The following PAX7 variants were observed in gnomAD, a reference collection of about 807,000 sequenced individuals.
PAX7 encodes paired box 7, also known as paired box protein Pax-7.
A neutral mutation model predicts 50.7 loss-of-function variants in PAX7; 18 were observed. That is an observed-to-expected ratio of 0.36 (90% CI 0.25 to 0.53). PAX7 has a LOEUF of 0.53. PAX7 is among the 20% of genes least tolerant of loss of function. PAX7 has a pLI of 0.93. For missense variants in PAX7, 644 were observed against 702.9 expected, an observed-to-expected ratio of 0.92 and a Z score of 0.95; for synonymous variants, 310 against 290.4, an observed-to-expected ratio of 1.07 and a Z score of -0.69.
intron 7 of PAX7, among the ~76,000 whole-genome samples, chr1:18,717,229 G>C (rs2089437502): frequency 6.6e-6 from 1 of 152,178 alleles, no homozygotes; most frequent in Non-Finnish European, 1.5e-5. Flanking sequence ...GCAGCCGCGC[G>C]CCTGGCCGCC....
chr1:18,745,199 G>GGT lies in PAX7; in HGVS notation c.*272_*273dup. 2.0e-6 allele frequency: 1 copy of GGT among 495,314 alleles called. No homozygotes were observed. Among genetic ancestry groups the GGT allele is most frequent in the Non-Finnish European group, 3.6e-6 (1 of 275,618 alleles). 30.7% of individuals were successfully genotyped at this position (495,314 alleles called of 1,614,324 possible). ...GAGGTCCTCCCCTGTCAAATCCCATGGTGGCCTCTGTGCCATCTCAGGCAT... is the reference window on the plus strand; with the variant it reads ...GAGGTCCTCCCCTGTCAAATCCCATGGTGTGGCCTCTGTGCCATCTCAGGCAT... On this transcript the variant is annotated 3_prime_UTR_variant, in exon 9 of 9. Transcript: ENST00000420770.
At chr1:18,703,452 C>G (rs1452208053) in intron 7 of PAX7, among the ~76,000 whole-genome samples, 156 bp downstream of exon 7, 1 of 152,220 alleles carries the variant, frequency 6.6e-6, no homozygotes, top group Non-Finnish European at 1.5e-5. Flanking sequence ...TGGACTCTGT[C>G]CTGTGCTCTT....
At chr1:18,705,472 C>T (rs58305507) in intron 7 of PAX7, among the ~76,000 whole-genome samples, 6,053 of 152,212 alleles carry the variant, frequency 0.04, 143 homozygotes, top group South Asian at 0.06. Context: ...AGATGGAGGG[C>T]CCCAGTACAC....
At chr1:18,712,855 G>A (rs934241108) in intron 7 of PAX7, among the ~76,000 whole-genome samples, 2 of 152,204 alleles carry the variant, frequency 1.3e-5, no homozygotes, top group Admixed American at 6.5e-5. Flanking sequence ...GCTGAGGCGG[G>A]CGGATCGCTT....
At chr1:18,635,806 G>C (rs1239001895) in intron 3 of PAX7, among the ~76,000 whole-genome samples, 1 of 150,428 alleles carries the variant, frequency 6.6e-6, no homozygotes. Context: ...GTGATCTGTT[G>C]TGTGTGTGTG....
intron 4 of PAX7, among the ~76,000 whole-genome samples, chr1:18,646,301 T>G (rs2088337550): frequency 6.6e-6 from 1 of 152,214 alleles, no homozygotes; most frequent in Admixed American, 6.5e-5. Context: ...TCTGGTGGCC[T>G]GGTGGCCCAT....
chr1:18,636,580 C>T lies in PAX7; in HGVS notation c.586+209C>T, dbSNP rs1280426220. The stretch of plus-strand genomic sequence containing the variant: ...GGATGCCGGCTAGATGCGAAGCCCG[C>T]GCCTTCTTTGCGCTATGGAGGCCGG... On this transcript the variant is annotated intron_variant, in intron 4 of 8. Coordinates refer to ENST00000420770, the MANE Select transcript of PAX7 (RefSeq NM_001135254.2). This position sits in a 1 kb window ranked among gnomAD's most constrained non-coding sequence, Gnocchi z 5.1. 6.6e-6 allele frequency among the ~76,000 whole-genome samples: 1 copy of T among 152,236 alleles called. No individual in the cohort carries two copies. The highest frequency in any genetic ancestry group is 2.4e-5 in the African/African-American group (1 of 41,458).
chr1:18,631,476 G>C lies in PAX7; in HGVS notation c.-128G>C, dbSNP rs564648303. ...GGTGGGGGTAGGGAGTGTGTGTGGA[G>C]GGGAGGGAGAAGAGGTTAAAAAAAA... On this transcript the variant is annotated 5_prime_UTR_variant, in exon 1 of 9. Coordinates refer to ENST00000420770, the MANE Select transcript of PAX7 (RefSeq NM_001135254.2). The C allele has an allele frequency of 7.2e-4, 556 of 773,540 alleles. No individual in the cohort carries two copies. Among genetic ancestry groups the C allele is most frequent in the Admixed American group, 1.1e-3 (51 of 45,844 alleles). 47.9% of individuals were successfully genotyped at this position (773,540 alleles called of 1,614,324 possible). A position where few individuals can be genotyped will look rare whatever the true frequency, so the allele number is the denominator to read the frequency against.
intron 7 of PAX7, among the ~76,000 whole-genome samples, chr1:18,709,575 C>A (rs2089325357): frequency 6.6e-6 from 1 of 152,200 alleles, no homozygotes; most frequent in South Asian, 2.1e-4. Context: ...AGGGCCAGGT[C>A]CCGATGGGCC....
intron 7 of PAX7, among the ~76,000 whole-genome samples, chr1:18,705,635 GC>G (rs1183672223): frequency 2.6e-5 from 4 of 152,186 alleles, no homozygotes; most frequent in Non-Finnish European, 4.4e-5. Context: ...GGGGCCCCAG[GC>G]CTCCAGAGTG....
At position 18,639,572 on chromosome 1, in the gene PAX7, C is replaced by T. The variant is rs529569795; in HGVS notation, c.586+3201C>T. Among the ~76,000 whole-genome samples, 287 of 152,082 alleles carry T rather than the reference C, an allele frequency of 1.9e-3. 2 individuals carry two copies. The highest frequency in any genetic ancestry group is 3.4e-3 in the Middle Eastern group (1 of 294). On this transcript the variant is annotated intron_variant, in intron 4 of 8. Transcript: ENST00000420770. The stretch of plus-strand genomic sequence containing the variant: ...ACTCCCTCCTCTTCACCCCTTTCTC[C>T]GAGGATCAGGGGATAGACAGGCCGG...
rs1271691673 is a variant in PAX7 at position 18,707,922 on chromosome 1, A to G, written c.1155+4626A>G. On this transcript the variant is annotated intron_variant, in intron 7 of 8. Transcript: ENST00000420770. ...GTGGTGGATGAGAAAACTGAGGCCA[A>G]TGACTCAGGTTAGGGACCAATAGGC... Among the ~76,000 whole-genome samples the G allele has an allele frequency of 1.3e-5, 2 of 152,146 alleles. 1 individual carries two copies. Among genetic ancestry groups the G allele is most frequent in the African/African-American group, 4.8e-5 (2 of 41,418 alleles).
chr1:18,692,005 A>G (rs1349450723), intron 5 of PAX7, 52 bp downstream of exon 5: 4 of 1,556,260 alleles, frequency 2.6e-6, no homozygotes, highest in East Asian at 2.4e-5. Context: ...AGAGATTCAG[A>G]AGTTTGGGAT....
At position 18,706,573 on chromosome 1, in the gene PAX7, T is replaced by C. The variant is rs372885021; in HGVS notation, c.1155+3277T>C. Reference sequence around the variant, plus strand: ...GCCTCCTGGGTTCAAGCAATTCTCCTGTCTTCGCCTCCAATTCTCCTGTCT... The same window carrying C: ...GCCTCCTGGGTTCAAGCAATTCTCCCGTCTTCGCCTCCAATTCTCCTGTCT... On this transcript the variant is annotated intron_variant, in intron 7 of 8. Coordinates refer to ENST00000420770, the MANE Select transcript of PAX7 (RefSeq NM_001135254.2). Among the ~76,000 whole-genome samples the C allele has an allele frequency of 2.4e-3, 368 of 151,678 alleles. 1 individual carries two copies. Among genetic ancestry groups the C allele is most frequent in the African/African-American group, 8.4e-3 (348 of 41,338 alleles).
At position 18,714,213 on chromosome 1, in the gene PAX7, A is replaced by ATAAATAAG. The variant is rs1177466203; in HGVS notation, c.1155+10924_1155+10925insGTAAATAA. Among the ~76,000 whole-genome samples, 200 of 145,390 alleles carry ATAAATAAG rather than the reference A, an allele frequency of 1.4e-3. 1 individual carries two copies. Among genetic ancestry groups the ATAAATAAG allele is most frequent in the African/African-American group, 4.8e-3 (191 of 39,712 alleles). ...CAGAATGAGGCTCCGTCTCAAATAA[A>ATAAATAAG]TAAATAAATAAATAAATAAATAAAT... is the stretch of plus-strand genomic sequence containing the variant. On this transcript the variant is annotated intron_variant, in intron 7 of 8. Transcript: ENST00000420770.
chr1:18,716,372 C>T (rs574051559), intron 7 of PAX7, among the ~76,000 whole-genome samples: 2 of 152,166 alleles, frequency 1.3e-5, no homozygotes, highest in East Asian at 1.9e-4. Context: ...CAGCCTCCCC[C>T]ACCCCTCAGC....
At chr1:18,645,014 C>T (rs954096708) in intron 4 of PAX7, among the ~76,000 whole-genome samples, 1 of 152,204 alleles carries the variant, frequency 6.6e-6, no homozygotes, top group Non-Finnish European at 1.5e-5. Flanking sequence ...AATAAACAAG[C>T]CCGCAAATAA....
At chr1:18,641,519 C>T (rs921200928) in intron 4 of PAX7, among the ~76,000 whole-genome samples, 3 of 152,210 alleles carry the variant, frequency 2.0e-5, no homozygotes, top group Non-Finnish European at 4.4e-5. Context: ...GTGGGGTCCC[C>T]CGCTGCGAGG....
chr1:18,736,658 A>T (rs1190526109), intron 8 of PAX7, among the ~76,000 whole-genome samples: 2 of 152,174 alleles, frequency 1.3e-5, no homozygotes, highest in Non-Finnish European at 2.9e-5. Context: ...GCCCATTTTA[A>T]TTCGGACACT....
Sources: gnomAD v4.1 joint callset for allele counts (sites outside exome capture counted in the v4.1 genomes callset) on GRCh38, gnomAD v4.1.1 for gene constraint, Gnocchi (gnomAD v3.1) non-coding constraint, MANE v1.5 for transcripts, NCBI Gene and HGNC (gene_info 2026-07-23, HGNC 2026-07-21) for gene names.